RALGAPB: variants seen among roughly 807,000 people sequenced by gnomAD.
The protein encoded by RALGAPB is Ral GTPase activating protein non-catalytic subunit beta.
In RALGAPB, 25 loss-of-function variants were observed where a neutral mutation model predicts 161.1. That is an observed-to-expected ratio of 0.16 (90% CI 0.11 to 0.22). The LOEUF (loss-of-function observed/expected upper bound fraction) is 0.22, where lower values mean the gene tolerates loss of function less well. RALGAPB is among the 10% of genes least tolerant of loss of function. RALGAPB has a pLI of 1.00. For synonymous variants in RALGAPB, 629 were observed against 626.1 expected, an observed-to-expected ratio of 1.00 and a Z score of -0.07; for missense variants, 1,391 against 1,815.2, an observed-to-expected ratio of 0.77 and a Z score of 4.25.
At chr20:38,559,700 A>G (rs1195114021) in intron 23 of RALGAPB, among the ~76,000 whole-genome samples, 1 of 152,234 alleles carries the variant, frequency 6.6e-6, no homozygotes, top group East Asian at 1.9e-4. Context: ...TCTCAAAAAC[A>G]AAACAAAACA....
intron 13 of RALGAPB, among the ~76,000 whole-genome samples, chr20:38,526,433 AC>A (rs1253802780): frequency 1.3e-5 from 2 of 149,922 alleles, no homozygotes; most frequent in Non-Finnish European, 1.5e-5. Context: ...TCTTCCTCTT[AC>A]TCCTGCCCAT....
At chr20:38,485,516 C>T (rs1240148360) in intron 1 of RALGAPB, among the ~76,000 whole-genome samples, 4 of 152,070 alleles carry the variant, frequency 2.6e-5, no homozygotes, top group Non-Finnish European at 5.9e-5. Flanking sequence ...CAACCTCTGC[C>T]GCCTGGGTTC....
intron 16 of RALGAPB, among the ~76,000 whole-genome samples, chr20:38,538,659 G>GA (rs949179454): frequency 6.6e-6 from 1 of 151,956 alleles, no homozygotes; most frequent in Non-Finnish European, 1.5e-5. Context: ...ATAAGCACAT[G>GA]AAAAAAATAC....
At chr20:38,479,152 C>T (rs1477916757) in intron 1 of RALGAPB, among the ~76,000 whole-genome samples, 1 of 152,176 alleles carries the variant, frequency 6.6e-6, no homozygotes, top group Non-Finnish European at 1.5e-5. Flanking sequence ...CTCTTGTCTT[C>T]CTCACTATGA....
At chr20:38,570,116 C>T in intron 27 of RALGAPB, 120 bp downstream of exon 27, 1 of 746,976 alleles carries the variant, frequency 1.3e-6, no homozygotes, top group Admixed American at 2.4e-5. Flanking sequence ...TGGAGTTCAG[C>T]AAGCCTTGGT....
At chr20:38,565,231 T>C in intron 24 of RALGAPB, 128 bp from the exon 25 acceptor site, 4 of 1,044,038 alleles carry the variant, frequency 3.8e-6, no homozygotes, top group Non-Finnish European at 4.1e-6. Context: ...TTCATACTAA[T>C]TGGTTCTTGT....
intron 3 of RALGAPB, 74 bp downstream of exon 3, chr20:38,493,206 G>A: frequency 1.6e-6 from 2 of 1,236,912 alleles, no homozygotes; most frequent in Non-Finnish European, 2.3e-6. Flanking sequence ...TATAGTATAG[G>A]AGCTGATTTC....
At chr20:38,539,506 T>TGAA (rs2086903780) in intron 16 of RALGAPB, among the ~76,000 whole-genome samples, 1 of 152,208 alleles carries the variant, frequency 6.6e-6, no homozygotes. Context: ...CTGGGAATGA[T>TGAA]GAACAGGTAT....
chr20:38,562,459 ATTTT>A, intron 23 of RALGAPB, 69 bp from the exon 24 acceptor site: 1 of 1,334,426 alleles, frequency 7.5e-7, no homozygotes, highest in Non-Finnish European at 1.0e-6. Flanking sequence ...AAACTAACCA[ATTTT>A]TATGAAGATT....
chr20:38,474,213 C>T (rs1029083043), intron 1 of RALGAPB, among the ~76,000 whole-genome samples: 2 of 152,216 alleles, frequency 1.3e-5, no homozygotes, highest in African/African-American at 4.8e-5. Context: ...CTAGACCATC[C>T]TCTGAACGTT....
At chr20:38,521,813 A>T in intron 10 of RALGAPB, 115 bp downstream of exon 10, 1 of 1,061,678 alleles carries the variant, frequency 9.4e-7, no homozygotes, top group African/African-American at 1.6e-5. Flanking sequence ...AGATGTCTGT[A>T]AGTGATCGAC....
In RALGAPB at chr20:38,562,666, T is replaced by C; in HGVS notation, c.3666T>C (p.Asn1222=). 2 of 1,613,160 alleles carry C rather than the reference T, an allele frequency of 1.2e-6. No individual in the cohort carries two copies. The highest frequency in any genetic ancestry group is 1.1e-5 in the South Asian group (1 of 90,776). Residue 1222 remains asparagine (N), a synonymous_variant, in exon 24 of 30, where the codon AAT becomes AAC. Coordinates refer to ENST00000262879, the MANE Select transcript of RALGAPB (RefSeq NM_020336.4). ...ATGTTTCTACCAGTTGGTCTATTAA[T>C]TGTTGTGATGATGGTGAAGGATCTC... ...TGHVSTSWSI[N]CCDDGEGSQQ...
At chr20:38,535,591 AC>A (rs1222552668) in intron 16 of RALGAPB, among the ~76,000 whole-genome samples, 1 of 145,892 alleles carries the variant, frequency 6.9e-6, no homozygotes, top group African/African-American at 2.5e-5. Flanking sequence ...AACTGGCTAC[AC>A]CTTTTTTTTT....
chr20:38,524,745 A>T lies in RALGAPB; in HGVS notation c.1620-33A>T, dbSNP rs7269945. 21,085 of 1,501,058 alleles carry T rather than the reference A, an allele frequency of 0.014. 2,507 individuals are homozygous for T. The African/African-American group carries it at 0.25, about 18-fold the overall frequency. 93.0% of individuals were successfully genotyped at this position (1,501,058 alleles called of 1,614,324 possible). A position where few individuals can be genotyped will look rare whatever the true frequency, so the allele number is the denominator to read the frequency against. ...ATAATTATGAAAACTTTTGATCAGC[A>T]GTTTGTTTAAAATTTTTTTCTTGCT... On this transcript the variant is annotated intron_variant, in intron 10 of 29. Coordinates refer to ENST00000262879, the MANE Select transcript of RALGAPB (RefSeq NM_020336.4).
chr20:38,541,005 G>T (rs770100552), intron 17 of RALGAPB, 36 bp from the exon 18 acceptor site: 1 of 1,604,486 alleles, frequency 6.2e-7, no homozygotes, highest in Non-Finnish European at 8.5e-7. Context: ...TGAGAAAGGT[G>T]TGTTCTAAAA....
chr20:38,555,880 G>A (rs190088028), intron 22 of RALGAPB, among the ~76,000 whole-genome samples: 1 of 152,158 alleles, frequency 6.6e-6, no homozygotes, highest in East Asian at 1.9e-4. Context: ...AGTATTAAAG[G>A]GAATGCTAAG....
At chr20:38,557,865 G>A (rs1291302318) in intron 22 of RALGAPB, among the ~76,000 whole-genome samples, 1 of 152,204 alleles carries the variant, frequency 6.6e-6, no homozygotes, top group African/African-American at 2.4e-5. Flanking sequence ...GCTTTTGTGT[G>A]GATGTTTGTG....
rs566626566 is a variant in RALGAPB at position 38,575,814 on chromosome 20, T to A, written c.*847T>A. ...ATTGATTAAATATTATTTAAAGAAA[T>A]GTAAATTCACAATAAGGGTTGAAAA... On this transcript the variant is annotated 3_prime_UTR_variant, in exon 30 of 30. Coordinates refer to ENST00000262879, the MANE Select transcript of RALGAPB (RefSeq NM_020336.4). 1 of 152,546 alleles carries A rather than the reference T, an allele frequency of 6.6e-6. No individual in the cohort carries two copies. Among genetic ancestry groups the A allele is most frequent in the African/African-American group, 2.4e-5 (1 of 41,452 alleles). The allele number at this position is 152,546 out of a possible 1,614,324, so 9.4% of individuals were successfully genotyped here.
At chr20:38,573,598 T>C (rs1370774208) in intron 28 of RALGAPB, 2 of 152,138 alleles carry the variant, frequency 1.3e-5, no homozygotes, top group African/African-American at 4.8e-5. Flanking sequence ...GAGAAGGACA[T>C]TTGCAGCTGG....
Sources: allele counts gnomAD v4.1 joint callset (sites outside exome capture counted in the v4.1 genomes callset), GRCh38; gene constraint gnomAD v4.1.1; transcripts MANE v1.5; gene names NCBI Gene and HGNC (gene_info 2026-07-23, HGNC 2026-07-21).